Variants in MYH14 observed in about 807,000 individuals in gnomAD.
The protein encoded by MYH14 is myosin-14.
A neutral mutation model predicts 255.5 loss-of-function variants in MYH14; 123 were observed. The observed-to-expected ratio is 0.48, with a 90% CI of 0.42 to 0.56. The LOEUF is 0.56. Ranked by LOEUF, MYH14 falls within the 20% of genes least tolerant of loss-of-function variation. The pLI is 0.00. For synonymous variants in MYH14, 1,095 were observed against 1,161.2 expected, an observed-to-expected ratio of 0.94 and a Z score of 1.16; for missense variants, 2,423 against 2,802.3, an observed-to-expected ratio of 0.86 and a Z score of 3.06.
chr19:50,224,311 T>A, intron 6 of MYH14, 134 bp downstream of exon 6: 1 of 1,172,090 alleles, frequency 8.5e-7, no homozygotes, highest in Non-Finnish European at 1.3e-6. Flanking sequence ...GCCCCACCAC[T>A]GCTATTCATG....
chr19:50,309,273 G>C (rs1478245509), intron 42 of MYH14, 96 bp downstream of exon 42: 2 of 1,249,496 alleles, frequency 1.6e-6, no homozygotes, highest in Non-Finnish European at 2.3e-6. Flanking sequence ...ACAACAGGGG[G>C]AAATGGGATC....
chr19:50,259,917 A>C (rs1479010607), intron 19 of MYH14, among the ~76,000 whole-genome samples: 1 of 152,184 alleles, frequency 6.6e-6, no homozygotes, highest in Non-Finnish European at 1.5e-5. Context: ...AGAATAGGAC[A>C]GAATAGAAAA....
rs1210513122 is a variant in MYH14 at position 50,225,649 on chromosome 19, C to G, written c.782C>G (p.Thr261Arg). 6.2e-7 allele frequency: 1 copy of G among 1,613,956 alleles called. No homozygotes were observed. The highest frequency in any genetic ancestry group is 1.3e-5 in the African/African-American group (1 of 75,056). ...PILEAFGNAK[T>R]VKNDNSSRFG... is the part of the protein sequence containing the mutation. ...CTAGAGGCCTTTGGCAATGCCAAGA[C>G]AGTGAAGAATGACAACTCCTCCCGA... Residue 261 changes from threonine (T) to arginine (R), a missense_variant, in exon 7 of 43, where the codon ACA becomes AGA. By Grantham distance (71) the Thr-to-Arg change is moderately conservative. This residue lies in a region of MYH14 where 672 missense variants were observed against 881.8 expected (regional missense o/e 0.76). Transcript: ENST00000642316.
At chr19:50,290,422 G>T (rs1278537270) in intron 35 of MYH14, among the ~76,000 whole-genome samples, 1 of 152,236 alleles carries the variant, frequency 6.6e-6, no homozygotes, top group Non-Finnish European at 1.5e-5. Flanking sequence ...AGCTCTGGGT[G>T]TCAGAAAGAC....
In MYH14 at chr19:50,280,345, G is replaced by A; in HGVS notation, c.4252G>A (p.Glu1418Lys). Residue 1418 changes from glutamate (E) to lysine (K), a missense_variant, in exon 32 of 43, where the codon GAA becomes AAA. Glu to Lys is a moderately conservative substitution (Grantham distance 56). Transcript: ENST00000642316. The surrounding 1 kb of genome is among the most constrained non-coding windows in gnomAD (Gnocchi z 4.8). ...EQLEEEAAAR[E>K]RAGRELQTAQ... ...GCTGGAGGAGGAGGCAGCTGCCAGG[G>A]AACGGGCGGGCCGTGAACTGCAGAC... 6.5e-7 allele frequency: 1 copy of A among 1,548,244 alleles called. No homozygotes were observed. Among genetic ancestry groups the A allele is most frequent in the Non-Finnish European group, 8.7e-7 (1 of 1,145,864 alleles).
rs2035895620 is a variant in MYH14, at chr19:50,286,564, C to T, written c.4622C>T (p.Ala1541Val). Reference sequence around the variant, plus strand: ...GAGGCAGAGGGCCGGGAGCGTGAGGCTCGGGCCCTGTCACTGACACGGGCA... The same window carrying T: ...GAGGCAGAGGGCCGGGAGCGTGAGGTTCGGGCCCTGTCACTGACACGGGCA... ...RAEAEGRERE[A>V]RALSLTRALE... Residue 1541 changes from alanine (A) to valine (V), a missense_variant, in exon 34 of 43, where the codon GCT becomes GTT. Physicochemically the swap from Ala to Val is moderately conservative, Grantham distance 64. This residue lies in a region of MYH14 where 1,513 missense variants were observed against 1,674.8 expected (regional missense o/e 0.90). Coordinates refer to ENST00000642316, the MANE Select transcript of MYH14 (RefSeq NM_001145809.2). The T allele has an allele frequency of 1.9e-6, 3 of 1,611,154 alleles. No homozygotes were observed. Among genetic ancestry groups the T allele is most frequent in the Non-Finnish European group, 1.7e-6 (2 of 1,178,924 alleles).
At position 50,250,773 on chromosome 19, in the gene MYH14, G is replaced by C. The variant is rs767468265; in HGVS notation, c.1830+85G>C. 4.7e-5 allele frequency: 65 copies of C among 1,392,680 alleles called. No individual in the cohort carries two copies. The highest frequency in any genetic ancestry group is 5.9e-5 in the Non-Finnish European group (60 of 1,014,104). 86.3% of individuals were successfully genotyped at this position (1,392,680 alleles called of 1,614,324 possible). ...CTACAGATGGGGGGAGGGTGCAGAG[G>C]GAAAACAGGGTCCTCCTGAGGTCCA... is the stretch of plus-strand genomic sequence containing the variant. On this transcript the variant is annotated intron_variant, in intron 15 of 42. Transcript: ENST00000642316. This position sits in a 1 kb window ranked among gnomAD's most constrained non-coding sequence, Gnocchi z 5.4.
At chr19:50,233,802 T>TC (rs1270613158) in intron 10 of MYH14, among the ~76,000 whole-genome samples, 2 of 60,428 alleles carry the variant, frequency 3.3e-5, no homozygotes, top group South Asian at 7.9e-4. Context: ...AAATTCCCCC[T>TC]CCCCCCTCCC....
chr19:50,270,999 A>G lies in MYH14; in HGVS notation c.3034-410A>G, dbSNP rs549329908. Among the ~76,000 whole-genome samples the G allele has an allele frequency of 1.5e-3, 234 of 151,998 alleles. 1 individual carries two copies. The highest frequency in any genetic ancestry group is 3.4e-3 in the Middle Eastern group (1 of 294). ...GTGAGCCACTGCGCCTGACCTATTT[A>G]CTATGTTTATAGTTTATAATCTGTA... On this transcript the variant is annotated intron_variant, in intron 24 of 42. Coordinates refer to ENST00000642316, the MANE Select transcript of MYH14 (RefSeq NM_001145809.2).
chr19:50,238,980 C>T (rs148415889), intron 10 of MYH14, among the ~76,000 whole-genome samples: 1 of 152,116 alleles, frequency 6.6e-6, no homozygotes, highest in Non-Finnish European at 1.5e-5. Flanking sequence ...AGTCCACAGA[C>T]CTTAGGCCAG....
At chr19:50,207,593 A>G (rs2031883109) in intron 1 of MYH14, among the ~76,000 whole-genome samples, 1 of 152,114 alleles carries the variant, frequency 6.6e-6, no homozygotes, top group East Asian at 1.9e-4. Flanking sequence ...CGTACTTGAA[A>G]GTCCTCAGAG....
chr19:50,259,728 A>G (rs2034751689), intron 19 of MYH14, among the ~76,000 whole-genome samples: 1 of 152,110 alleles, frequency 6.6e-6, no homozygotes, highest in Non-Finnish European at 1.5e-5. Flanking sequence ...AAAATACAAA[A>G]TTAGCCGGGT....
chr19:50,308,776 A>G (rs1012967415), intron 41 of MYH14: 27 of 550,228 alleles, frequency 4.9e-5, no homozygotes, highest in Non-Finnish European at 8.7e-5. Flanking sequence ...GGGTATAGGA[A>G]GACCTTTCTG....
intron 10 of MYH14, 128 bp from the exon 11 acceptor site, chr19:50,244,114 G>A (rs1034340003): frequency 6.7e-6 from 5 of 747,792 alleles, no homozygotes; most frequent in East Asian, 5.5e-5. Context: ...CATCCCACAA[G>A]TAGATTTTAA....
intron 3 of MYH14, among the ~76,000 whole-genome samples, chr19:50,219,515 C>T (rs1018951624): frequency 6.6e-6 from 1 of 152,092 alleles, no homozygotes; most frequent in Non-Finnish European, 1.5e-5. Context: ...CCTCTTTCTC[C>T]GAACAATATT....
At chr19:50,286,318 GACACGGTTGCA>G in intron 33 of MYH14, 153 bp from the exon 34 acceptor site, 7 of 659,950 alleles carry the variant, frequency 1.1e-5, no homozygotes, top group Non-Finnish European at 1.8e-5. Context: ...GCTGGTTTGG[GACACGGTTGCA>G]ACTTTAATCC....
At position 50,210,096 on chromosome 19, in the gene MYH14, C is replaced by CAAAAAAAAA. The variant is rs71180680; in HGVS notation, c.-3-243_-3-235dup. ...CTGGGCAACAAGCGAGACTCCGTCTCAAAAAAAAAAAAAAAAAAAAAAAAA... is the reference window on the plus strand; with the variant it reads ...CTGGGCAACAAGCGAGACTCCGTCTCAAAAAAAAAAAAAAAAAAAAAAAAAAAAAAAAAA... On this transcript the variant is annotated intron_variant, in intron 1 of 42. Coordinates refer to ENST00000642316, the MANE Select transcript of MYH14 (RefSeq NM_001145809.2). 4.0e-4 allele frequency among the ~76,000 whole-genome samples: 24 copies of CAAAAAAAAA among 59,634 alleles called. 1 individual carries two copies. Among genetic ancestry groups the CAAAAAAAAA allele is most frequent in the African/African-American group, 1.3e-3 (21 of 16,692 alleles). 39.1% of individuals were successfully genotyped at this position (59,634 alleles called of 152,430 possible).
chr19:50,278,820 A>G (rs1160317971), intron 30 of MYH14, among the ~76,000 whole-genome samples: 2 of 151,682 alleles, frequency 1.3e-5, no homozygotes, highest in Admixed American at 6.6e-5. Flanking sequence ...ACTAAAAAAA[A>G]AAAAAAAAAA....
chr19:50,307,102 A>C lies in MYH14; in HGVS notation c.5732A>C (p.Glu1911Ala), dbSNP rs1325289599. 1 of 1,550,856 alleles carries C rather than the reference A, an allele frequency of 6.4e-7. No individual in the cohort carries two copies. Among genetic ancestry groups the C allele is most frequent in the Admixed American group, 2.0e-5 (1 of 50,996 alleles). ...LVRRAEKRLK[E>A]VVLQVEEERR... ...CGCAGAGCTGAGAAGCGGCTTAAAG[A>C]GGTGGTGCTCCAGGTGGAGGAGGAG... The change falls in exon 41 of 43, where the codon GAG (glutamate) becomes GCG (alanine). Residue 1911 changes from glutamate (E) to alanine (A), a missense_variant. Around this residue, in one of 3 missense-constraint regions of MYH14, gnomAD observed 1,513 missense variants for 1,674.8 expected, o/e 0.90. Coordinates refer to ENST00000642316, the MANE Select transcript of MYH14 (RefSeq NM_001145809.2).
Sources: allele counts gnomAD v4.1 joint callset (sites outside exome capture counted in the v4.1 genomes callset), GRCh38; gene constraint gnomAD v4.1.1; regional missense constraint gnomAD v4.1.1; non-coding constraint Gnocchi (gnomAD v3.1); transcripts MANE v1.5; gene names NCBI Gene and HGNC (gene_info 2026-07-23, HGNC 2026-07-21).